USH2A: variants seen among roughly 807,000 people sequenced by gnomAD.
The protein encoded by USH2A is Usher syndrome 2A (autosomal recessive, mild).
In USH2A, 443 loss-of-function variants were observed where a neutral mutation model predicts 538.9. That is an observed-to-expected ratio of 0.82 (90% CI 0.76 to 0.89). USH2A has a LOEUF of 0.89. Ranked by LOEUF, USH2A falls within the 40% of genes least tolerant of loss-of-function variation. USH2A has a pLI of 0.00. For missense variants in USH2A, 6,633 were observed against 6,324.8 expected, an observed-to-expected ratio of 1.05 and a Z score of -1.65; for synonymous variants, 2,413 against 2,273.5, an observed-to-expected ratio of 1.06 and a Z score of -1.75.
At chr1:216,035,376 A>T (rs895234880) in intron 32 of USH2A, among the ~76,000 whole-genome samples, 2 of 152,158 alleles carry the variant, frequency 1.3e-5, no homozygotes, top group Admixed American at 6.5e-5. Flanking sequence ...GGGATGATTC[A>T]TATACAATCA....
intron 11 of USH2A, among the ~76,000 whole-genome samples, chr1:216,261,493 T>G: frequency 6.8e-6 from 1 of 146,770 alleles, no homozygotes; most frequent in Non-Finnish European, 1.5e-5. Context: ...ACTAAAAGAT[T>G]AGAAGAGAAA....
chr1:216,419,510 G>A (rs2039639574), intron 2 of USH2A, among the ~76,000 whole-genome samples: 1 of 152,024 alleles, frequency 6.6e-6, no homozygotes, highest in Admixed American at 6.6e-5. Context: ...TTTGGTATCT[G>A]AATGATTATG....
chr1:215,822,654 G>A (rs531931306), intron 47 of USH2A, among the ~76,000 whole-genome samples: 1 of 151,880 alleles, frequency 6.6e-6, no homozygotes, highest in African/African-American at 2.4e-5. Flanking sequence ...TTCCAGTATT[G>A]TGTTGAATAA....
chr1:216,359,445 T>C (rs2038449566), intron 4 of USH2A, among the ~76,000 whole-genome samples: 1 of 152,090 alleles, frequency 6.6e-6, no homozygotes, highest in Non-Finnish European at 1.5e-5. Flanking sequence ...GAAACCAGAC[T>C]TAAAGAGAGT....
intron 49 of USH2A, among the ~76,000 whole-genome samples, chr1:215,800,915 C>T (rs6540911): frequency 0.59 from 90,197 of 151,920 alleles, 26,935 homozygotes; most frequent in Admixed American, 0.69. Context: ...AAAAGCACAT[C>T]AAAATGATTC....
In USH2A at chr1:216,011,176, C is replaced by T. The variant is rs577979531; in HGVS notation, c.6326-10614G>A. On this transcript the variant is annotated intron_variant, in intron 32 of 71. Transcript: ENST00000307340. ...ACCAAATTGTTTTGCCTATCCACCC[C>T]ATGGTGCCAAACCCGTATACTCTCC... is the stretch of plus-strand genomic sequence containing the variant. Among the ~76,000 whole-genome samples the T allele has an allele frequency of 3.9e-3, 600 of 152,290 alleles. 7 individuals are homozygous for T. The highest frequency in any genetic ancestry group is 0.013 in the African/African-American group (556 of 41,560).
chr1:215,914,089 T>TTTTTTG (rs1214610472), intron 38 of USH2A, among the ~76,000 whole-genome samples: 3 of 148,006 alleles, frequency 2.0e-5, no homozygotes, highest in African/African-American at 7.5e-5. Flanking sequence ...TTTTTTTTTT[T>TTTTTTG]TTGAGACAGA....
intron 21 of USH2A, among the ~76,000 whole-genome samples, chr1:216,113,137 T>TAAA (rs71159901): frequency 8.6e-5 from 11 of 127,560 alleles, no homozygotes; most frequent in African/African-American, 2.4e-4. Flanking sequence ...CTCCAAATGA[T>TAAA]AAAAAAAAAA....
At chr1:215,710,023 A>G (rs1353576333) in intron 61 of USH2A, among the ~76,000 whole-genome samples, 1 of 152,226 alleles carries the variant, frequency 6.6e-6, no homozygotes, top group African/African-American at 2.4e-5. Context: ...GTTACTTACA[A>G]GATTGCAAGT....
At chr1:216,045,858 G>A (rs769295389) in intron 32 of USH2A, among the ~76,000 whole-genome samples, 7 of 152,118 alleles carry the variant, frequency 4.6e-5, no homozygotes, top group Non-Finnish European at 8.8e-5. Flanking sequence ...GGTAACATGA[G>A]CACTTTTCCA....
chr1:215,939,076 T>C (rs1047754723), intron 37 of USH2A, among the ~76,000 whole-genome samples: 2 of 152,144 alleles, frequency 1.3e-5, no homozygotes, highest in African/African-American at 4.8e-5. Flanking sequence ...TACAAGAAAA[T>C]TTAAAATATG....
At chr1:216,073,515 T>A (rs2031637220) in intron 27 of USH2A, among the ~76,000 whole-genome samples, 1 of 152,184 alleles carries the variant, frequency 6.6e-6, no homozygotes, top group South Asian at 2.1e-4. Flanking sequence ...GGAAAACACA[T>A]TAATGGATAA....
Position 215,753,998 on chromosome 1 carries a change from G to C in USH2A, c.11389+4597C>G, listed in dbSNP as rs150675786. On this transcript the variant is annotated intron_variant, in intron 58 of 71. Coordinates refer to ENST00000307340, the MANE Select transcript of USH2A (RefSeq NM_206933.4). Reference sequence around the variant, plus strand: ...TTAAGGGTTAAGCCAAAGACAGAAAGGAACTGGTCTTAAAAGGCAGTAGCA... The same window carrying C: ...TTAAGGGTTAAGCCAAAGACAGAAACGAACTGGTCTTAAAAGGCAGTAGCA... Among the ~76,000 whole-genome samples, 653 of 152,300 alleles carry C rather than the reference G, an allele frequency of 4.3e-3. 7 individuals are homozygous for C. Among genetic ancestry groups the C allele is most frequent in the African/African-American group, 0.015 (634 of 41,574 alleles).
intron 49 of USH2A, among the ~76,000 whole-genome samples, chr1:215,804,524 C>G (rs1254612372): frequency 6.7e-6 from 1 of 148,642 alleles, no homozygotes; most frequent in Non-Finnish European, 1.5e-5. Flanking sequence ...ACAAAAGATA[C>G]ATGAAAAAAT....
chr1:216,205,293 AT>A (rs1424808647), intron 16 of USH2A, among the ~76,000 whole-genome samples: 8 of 152,192 alleles, frequency 5.3e-5, no homozygotes, highest in Non-Finnish European at 7.4e-5. Flanking sequence ...GGACACCTGG[AT>A]CATGCTGATA....
intron 37 of USH2A, among the ~76,000 whole-genome samples, chr1:215,950,001 C>T (rs528566544): frequency 5.4e-4 from 82 of 152,224 alleles, no homozygotes; most frequent in African/African-American, 1.9e-3. Context: ...GAGCAACCTA[C>T]CATTTTTATC....
At chr1:216,182,904 A>G (rs2034521822) in intron 20 of USH2A, among the ~76,000 whole-genome samples, 1 of 152,138 alleles carries the variant, frequency 6.6e-6, no homozygotes, top group Admixed American at 6.6e-5. Context: ...CTGTTTGCAG[A>G]TACTGAAATA....
At chr1:216,407,438 C>T (rs1483014611) in intron 3 of USH2A, among the ~76,000 whole-genome samples, 2 of 152,018 alleles carry the variant, frequency 1.3e-5, no homozygotes, top group African/African-American at 4.8e-5. Context: ...CTGTCTTTGG[C>T]TTATGTGGAT....
intron 49 of USH2A, among the ~76,000 whole-genome samples, chr1:215,804,055 T>C (rs934669743): frequency 2.0e-5 from 3 of 152,176 alleles, no homozygotes; most frequent in Admixed American, 6.5e-5. Context: ...ATTTAATAAA[T>C]GGTGCTGGGA....
Sources: allele counts gnomAD v4.1 joint callset (sites outside exome capture counted in the v4.1 genomes callset), GRCh38; gene constraint gnomAD v4.1.1; transcripts MANE v1.5; gene names NCBI Gene and HGNC (gene_info 2026-07-23, HGNC 2026-07-21).